Variants in DCC observed in about 807,000 individuals in gnomAD.
The protein encoded by DCC is netrin receptor DCC.
DCC carries 58 observed loss-of-function variants against 172.5 expected under a neutral mutation model. The ratio of observed to expected loss-of-function variants is 0.34; its 90% confidence interval spans 0.27 to 0.42. The LOEUF (loss-of-function observed/expected upper bound fraction) is 0.42, where lower values mean the gene tolerates loss of function less well. Ranked by LOEUF, DCC falls within the 10% of genes least tolerant of loss-of-function variation. DCC has a pLI of 1.00. For synonymous variants in DCC, 709 were observed against 644.5 expected (o/e 1.10, Z -1.52); for missense variants, 1,740 against 1,791.0 (o/e 0.97, Z 0.51).
intron 1 of DCC, among the ~76,000 whole-genome samples, chr18:52,542,290 G>A (rs1473012316): frequency 6.6e-6 from 1 of 151,882 alleles, no homozygotes; most frequent in African/African-American, 2.4e-5. Flanking sequence ...GAGTGTAAAT[G>A]TTCAACACAG....
chr18:52,466,015 G>A (rs1988773815), intron 1 of DCC, among the ~76,000 whole-genome samples: 1 of 152,132 alleles, frequency 6.6e-6, no homozygotes, highest in Admixed American at 6.5e-5. Flanking sequence ...ACAAAAATTA[G>A]TTCAATGCTG....
At chr18:53,300,043 G>A (rs190407921) in intron 12 of DCC, among the ~76,000 whole-genome samples, 1 of 152,140 alleles carries the variant, frequency 6.6e-6, no homozygotes, top group Non-Finnish European at 1.5e-5. Flanking sequence ...AAGAATAGTG[G>A]AAACAAAGTA....
chr18:53,322,305 G>T, intron 14 of DCC, 148 bp downstream of exon 14: 2 of 677,282 alleles, frequency 3.0e-6, no homozygotes, highest in South Asian at 1.6e-5. Context: ...GGAAACATTA[G>T]TGAATACATA....
chr18:52,794,134 CTT>C (rs934121197), intron 2 of DCC, among the ~76,000 whole-genome samples: 11 of 152,028 alleles, frequency 7.2e-5, no homozygotes, highest in South Asian at 4.2e-4. Flanking sequence ...TATTCAGAAT[CTT>C]TTGTGTTTCC....
chr18:53,526,831 C>A (rs540097576), intron 28 of DCC, 72 bp downstream of exon 28: 1 of 1,469,408 alleles, frequency 6.8e-7, no homozygotes, highest in Middle Eastern at 1.8e-4. Context: ...GCATCTAAAC[C>A]AATGAGTACT....
chr18:52,615,692 G>T (rs986533109), intron 1 of DCC, among the ~76,000 whole-genome samples: 6 of 152,086 alleles, frequency 3.9e-5, no homozygotes, highest in Non-Finnish European at 7.4e-5. Flanking sequence ...AAGGAAGTTT[G>T]GTTAAGTACC....
At chr18:53,259,307 G>A (rs1568396701) in intron 12 of DCC, among the ~76,000 whole-genome samples, 2 of 152,090 alleles carry the variant, frequency 1.3e-5, no homozygotes, top group South Asian at 2.1e-4. Context: ...TCCTAACCTT[G>A]ATGGTCTTTA....
At chr18:53,377,352 TGAGAGAGAGAGAGAGA>T (rs59629030) in intron 15 of DCC, among the ~76,000 whole-genome samples, 3 of 137,298 alleles carry the variant, frequency 2.2e-5, no homozygotes, top group Admixed American at 7.6e-5. Context: ...AAGATGCATT[TGAGAGAGAGAGAGAGA>T]GAGAGAGAGA....
intron 11 of DCC, among the ~76,000 whole-genome samples, chr18:53,208,977 C>T (rs570267998): frequency 1.3e-5 from 2 of 152,130 alleles, no homozygotes; most frequent in Non-Finnish European, 2.9e-5. Flanking sequence ...GTGATCCACC[C>T]GCCTTGGCCT....
rs1217719736 is a variant in DCC at position 52,650,206 on chromosome 18, C to T, written c.92-101848C>T. 4.6e-5 allele frequency among the ~76,000 whole-genome samples: 7 copies of T among 151,990 alleles called. No individual in the cohort carries two copies. In the South Asian group the frequency reaches 1.3e-3, roughly 27 times the overall value. ...GTTGGTCAGGCAGGTCTCGAACTCC[C>T]GACCTCAGGTGATCTGCCTGCCTCA... On this transcript the variant is annotated intron_variant, in intron 1 of 28. Transcript: ENST00000442544.
At chr18:52,861,993 A>G (rs190742218) in intron 2 of DCC, among the ~76,000 whole-genome samples, 15 of 152,318 alleles carry the variant, frequency 9.8e-5, no homozygotes, top group Admixed American at 3.3e-4. Context: ...TGACAAGGAA[A>G]CTTTGTTGTA....
At chr18:53,498,325 T>C (rs2046050799) in intron 26 of DCC, among the ~76,000 whole-genome samples, 1 of 151,802 alleles carries the variant, frequency 6.6e-6, no homozygotes, top group African/African-American at 2.4e-5. Flanking sequence ...AAGCAAGATA[T>C]TATCTTATAT....
intron 2 of DCC, among the ~76,000 whole-genome samples, chr18:52,893,573 T>G (rs1246770953): frequency 6.6e-6 from 1 of 152,140 alleles, no homozygotes; most frequent in Non-Finnish European, 1.5e-5. Flanking sequence ...AAAATCCTTG[T>G]TAGGGTTTTG....
At chr18:52,414,450 T>C (rs1598799097) in intron 1 of DCC, among the ~76,000 whole-genome samples, 1 of 152,142 alleles carries the variant, frequency 6.6e-6, no homozygotes, top group African/African-American at 2.4e-5. Context: ...CCCCATCTGA[T>C]TGACTTTCTA....
At chr18:52,842,403 G>A (rs913994012) in intron 2 of DCC, among the ~76,000 whole-genome samples, 10 of 152,136 alleles carry the variant, frequency 6.6e-5, no homozygotes, top group African/African-American at 2.4e-4. Flanking sequence ...CATTGAGGTA[G>A]GAGATTGATG....
At chr18:53,408,609 G>A (rs1017466126) in intron 19 of DCC, among the ~76,000 whole-genome samples, 3 of 152,038 alleles carry the variant, frequency 2.0e-5, no homozygotes, top group Admixed American at 6.5e-5. Flanking sequence ...TCTACATACC[G>A]ACAGAAAGGA....
intron 7 of DCC, among the ~76,000 whole-genome samples, chr18:53,123,364 A>G (rs2043510463): frequency 6.6e-6 from 1 of 152,002 alleles, no homozygotes; most frequent in African/African-American, 2.4e-5. Context: ...AGGAAGAGGC[A>G]AGGCTTTCAG....
chr18:52,539,214 T>C (rs2032370811), intron 1 of DCC, among the ~76,000 whole-genome samples: 1 of 152,144 alleles, frequency 6.6e-6, no homozygotes, highest in African/African-American at 2.4e-5. Context: ...TAGAGAGATA[T>C]TTTAAGATTT....
intron 1 of DCC, among the ~76,000 whole-genome samples, chr18:52,672,910 T>A (rs1040057924): frequency 2.0e-5 from 3 of 152,088 alleles, no homozygotes; most frequent in Middle Eastern, 3.4e-3. Context: ...CTAAAAAAAA[T>A]TAAATTAGCT....
Sources: gnomAD v4.1 joint callset for allele counts (sites outside exome capture counted in the v4.1 genomes callset) on GRCh38, gnomAD v4.1.1 for gene constraint, MANE v1.5 for transcripts, NCBI Gene and HGNC (gene_info 2026-07-23, HGNC 2026-07-21) for gene names.